BCAM: variants seen among roughly 807,000 people sequenced by gnomAD.
The protein encoded by BCAM is basal cell adhesion molecule (Lutheran blood group).
A neutral mutation model predicts 72.4 loss-of-function variants in BCAM; 61 were observed. The ratio of observed to expected loss-of-function variants is 0.84; its 90% CI spans 0.69 to 1.04. BCAM has a LOEUF of 1.04. Ranked by LOEUF, BCAM falls within the 50% of genes least tolerant of loss-of-function variation. The pLI is 0.00. For missense variants in BCAM, 909 were observed against 895.0 expected, an observed-to-expected ratio of 1.02 and a Z score of -0.20; for synonymous variants, 408 against 384.2, an observed-to-expected ratio of 1.06 and a Z score of -0.73.
intron 8 of BCAM, among the ~76,000 whole-genome samples, chr19:44,817,774 C>T (rs1968521889): frequency 6.6e-6 from 1 of 152,292 alleles, no homozygotes; most frequent in Admixed American, 6.5e-5. Flanking sequence ...GAACTCCTGA[C>T]ATCAGGTGAT....
In BCAM at chr19:44,812,575, A is replaced by G. The variant is rs772958415; in HGVS notation, c.504+27A>G. 2.5e-6 allele frequency: 4 copies of G among 1,612,806 alleles called. No homozygotes were observed. ...TACCTCTCGGGTGGACCTTGGCCCC[A>G]GGGTCCTGGAGGAGGAGGGGACAGG... On this transcript the variant is annotated intron_variant, in intron 4 of 14. Transcript: ENST00000270233. This position sits in a 1 kb window ranked among gnomAD's most constrained non-coding sequence, Gnocchi z 5.3.
At chr19:44,809,248 C>T in intron 1 of BCAM, 42 bp downstream of exon 1, 1 of 1,364,828 alleles carries the variant, frequency 7.3e-7, no homozygotes, top group Non-Finnish European at 9.5e-7. Context: ...GGGGAGAGGC[C>T]CCTGGGGACC....
Position 44,812,013 on chromosome 19 carries a change from GAGA to G in BCAM, c.205-147_205-145del. Reference sequence around the variant, plus strand: ...AAGAACTGATAGGGAATGGGGGCAGGAGAAGGTGGGGAGGGACAGAGGGACCAG... The same window carrying G: ...AAGAACTGATAGGGAATGGGGGCAGGAGGTGGGGAGGGACAGAGGGACCAG... On this transcript the variant is annotated intron_variant, in intron 2 of 14. Coordinates refer to ENST00000270233, the MANE Select transcript of BCAM (RefSeq NM_005581.5). This position sits in a 1 kb window ranked among gnomAD's most constrained non-coding sequence, Gnocchi z 5.3. 1.4e-6 allele frequency: 1 copy of G among 727,384 alleles called. No individual in the cohort carries two copies. The highest frequency in any genetic ancestry group is 3.7e-4 in the Middle Eastern group (1 of 2,724). The allele number at this position is 727,384 out of a possible 1,614,324, so 45.1% of individuals were successfully genotyped here.
At chr19:44,817,546 TTTG>T (rs1248951465) in intron 8 of BCAM, among the ~76,000 whole-genome samples, 1 of 150,128 alleles carries the variant, frequency 6.7e-6, no homozygotes, top group Admixed American at 6.6e-5. Flanking sequence ...GTTGGTTTTT[TTTG>T]TTTTTTTTTT....
intron 2 of BCAM, chr19:44,811,921 G>A: frequency 3.5e-6 from 2 of 565,570 alleles, no homozygotes; most frequent in East Asian, 3.1e-5. Context: ...ACAATCGGGA[G>A]AGGGAGAGAC....
Position 44,814,561 on chromosome 19 carries a change from C to T in BCAM, c.922-43C>T, listed in dbSNP as rs1399318817. On this transcript the variant is annotated intron_variant, in intron 7 of 14. Coordinates refer to ENST00000270233, the MANE Select transcript of BCAM (RefSeq NM_005581.5). The surrounding 1 kb of genome is among the most constrained non-coding windows in gnomAD (Gnocchi z 4.6). ...CTGACCTAGCATGAGCCCGCTGAACCGGGGTGGCTTCTGAGCCTGGTTCCT... is the reference window on the plus strand; with the variant it reads ...CTGACCTAGCATGAGCCCGCTGAACTGGGGTGGCTTCTGAGCCTGGTTCCT... 8 of 1,596,310 alleles carry T rather than the reference C, an allele frequency of 5.0e-6. No homozygotes were observed. The highest frequency in any genetic ancestry group is 6.0e-6 in the Non-Finnish European group (7 of 1,168,552).
chr19:44,809,330 A>G, intron 1 of BCAM, 124 bp downstream of exon 1: 1 of 770,506 alleles, frequency 1.3e-6, no homozygotes, highest in Non-Finnish European at 1.8e-6. Context: ...AGGAGGAGGG[A>G]TATGGGAGTG....
chr19:44,814,679 G>A lies in BCAM; in HGVS notation c.997G>A (p.Gly333Arg), dbSNP rs147593462. The A allele has an allele frequency of 2.8e-5, 46 of 1,614,096 alleles. No homozygotes were observed. In the South Asian group the frequency reaches 3.7e-4, roughly 13 times the overall value. Residue 333 changes from glycine (G) to arginine (R), a missense_variant, in exon 8 of 15, where the codon GGG becomes AGG. Physicochemically the swap from Gly to Arg is moderately radical, Grantham distance 125. Coordinates refer to ENST00000270233, the MANE Select transcript of BCAM (RefSeq NM_005581.5). The surrounding 1 kb of genome is among the most constrained non-coding windows in gnomAD (Gnocchi z 4.6). ...GGAGGGAGTGACCCGGGGCCAGAGC[G>A]GGACCTATGGCTGCAGAGTGGAGGA... ...TLEGVTRGQS[G>R]TYGCRVEDYD...
At position 44,814,905 on chromosome 19, in the gene BCAM, G is replaced by GTTTTTTTTT; in HGVS notation, c.1078+147_1078+148insTTTTTTTTT. ...TCTGCATTTCTTGGGGGTTTTTTTG[G>GTTTTTTTTT]TTGTTTTTTTTTTTTTTTTTTTCCC... On this transcript the variant is annotated intron_variant, in intron 8 of 14. Coordinates refer to ENST00000270233, the MANE Select transcript of BCAM (RefSeq NM_005581.5). The surrounding 1 kb of genome is among the most constrained non-coding windows in gnomAD (Gnocchi z 4.6). 1 of 826,990 alleles carries GTTTTTTTTT rather than the reference G, an allele frequency of 1.2e-6. No homozygotes were observed. Among genetic ancestry groups the GTTTTTTTTT allele is most frequent in the Non-Finnish European group, 1.6e-6 (1 of 611,432 alleles). 51.2% of individuals were successfully genotyped at this position (826,990 alleles called of 1,614,324 possible).
intron 1 of BCAM, among the ~76,000 whole-genome samples, chr19:44,809,492 G>A (rs960483): frequency 1.3e-5 from 2 of 152,024 alleles, no homozygotes; most frequent in Non-Finnish European, 2.9e-5. Context: ...TCCTCCCTCA[G>A]ACCCTGGAAT....
rs1968561901 is a variant in BCAM at position 44,819,929 on chromosome 19, C to CACAG, written c.1763+203_1763+204insACAG. The CACAG allele has an allele frequency of 7.2e-5, 22 of 303,828 alleles. No individual in the cohort carries two copies. The Admixed American group carries it at 9.4e-4, about 13-fold the overall frequency. The allele number at this position is 303,828 out of a possible 1,614,324, so 18.8% of individuals were successfully genotyped here. A position where few individuals can be genotyped will look rare whatever the true frequency, so the allele number is the denominator to read the frequency against. On this transcript the variant is annotated intron_variant, in intron 13 of 14. Transcript: ENST00000270233. ...AATCCACAGCCATCCCCAACTCATC[C>CACAG]TCATCCCCAACTGCAGCCCCAAACC...
intron 1 of BCAM, among the ~76,000 whole-genome samples, chr19:44,810,766 C>T (rs140662759): frequency 1.0e-3 from 157 of 152,288 alleles, no homozygotes; most frequent in African/African-American, 3.6e-3. Flanking sequence ...CAGTATTACC[C>T]CAGGAGTGTT....
Position 44,812,979 on chromosome 19 carries a change from A to G in BCAM, c.505-271A>G. Reference sequence around the variant, plus strand: ...AAAAAAAAAAAAAGAAGAAGAAAAGAAAAAAGAAAGGAAGGGCAGAGGGGG... The same window carrying G: ...AAAAAAAAAAAAAGAAGAAGAAAAGGAAAAAGAAAGGAAGGGCAGAGGGGG... On this transcript the variant is annotated intron_variant, in intron 4 of 14. Coordinates refer to ENST00000270233, the MANE Select transcript of BCAM (RefSeq NM_005581.5). This position sits in a 1 kb window ranked among gnomAD's most constrained non-coding sequence, Gnocchi z 5.3. The G allele has an allele frequency of 2.1e-6, 1 of 476,078 alleles. No homozygotes were observed. The highest frequency in any genetic ancestry group is 3.7e-6 in the Non-Finnish European group (1 of 272,254). The allele number at this position is 476,078 out of a possible 1,614,324, so 29.5% of individuals were successfully genotyped here. A position where few individuals can be genotyped will look rare whatever the true frequency, so the allele number is the denominator to read the frequency against.
Position 44,820,797 on chromosome 19 carries a change from G to A in BCAM, c.1856G>A (p.Gly619Asp), listed in dbSNP as rs752711408. ...GGAGGTGCCTCCGGAGGAGCCAGGGGTGGCAGCGGGGGCTTCGGAGACGAG... is the reference window on the plus strand; with the variant it reads ...GGAGGTGCCTCCGGAGGAGCCAGGGATGGCAGCGGGGGCTTCGGAGACGAG... ...LMGGASGGAR[G>D]GSGGFGDEC The change falls in exon 14 of 15, where the codon GGT becomes GAT. Residue 619 changes from glycine (G) to aspartate (D), a missense_variant. By Grantham distance (94) the Gly-to-Asp change is moderately conservative. Transcript: ENST00000270233. 5 of 1,511,250 alleles carry A rather than the reference G, an allele frequency of 3.3e-6. 1 individual carries two copies. In the South Asian group the frequency reaches 3.8e-5, roughly 12 times the overall value. 93.6% of individuals were successfully genotyped at this position (1,511,250 alleles called of 1,614,324 possible).
chr19:44,815,512 A>G (rs1202941655), intron 8 of BCAM, among the ~76,000 whole-genome samples: 1 of 152,184 alleles, frequency 6.6e-6, no homozygotes, highest in Non-Finnish European at 1.5e-5. Context: ...TCTACAGGTG[A>G]TATCACCAGT....
chr19:44,820,068 A>C, intron 13 of BCAM: 2 of 1,152,336 alleles, frequency 1.7e-6, no homozygotes, highest in Non-Finnish European at 1.1e-6. Context: ...GCCTGTCTCC[A>C]ATCCCAACCC....
At chr19:44,809,257 C>T (rs1968385861) in intron 1 of BCAM, 51 bp downstream of exon 1, 8 of 1,349,302 alleles carry the variant, frequency 5.9e-6, no homozygotes, top group Non-Finnish European at 7.7e-6. Flanking sequence ...CCCCTGGGGA[C>T]CCCGGGAAAG....
chr19:44,820,252 A>G, intron 13 of BCAM: 1 of 992,342 alleles, frequency 1.0e-6, no homozygotes, highest in Non-Finnish European at 1.2e-6. Context: ...ATCTCTCACC[A>G]TCCAGCCCTC....
In BCAM at chr19:44,812,593, G is replaced by A. The variant is rs1968440781; in HGVS notation, c.504+45G>A. Reference sequence around the variant, plus strand: ...TGGCCCCAGGGTCCTGGAGGAGGAGGGGACAGGGCCCTGGACTCCTGGGTC... The same window carrying A: ...TGGCCCCAGGGTCCTGGAGGAGGAGAGGACAGGGCCCTGGACTCCTGGGTC... On this transcript the variant is annotated intron_variant, in intron 4 of 14. Coordinates refer to ENST00000270233, the MANE Select transcript of BCAM (RefSeq NM_005581.5). This position sits in a 1 kb window ranked among gnomAD's most constrained non-coding sequence, Gnocchi z 5.3. 1.2e-6 allele frequency: 2 copies of A among 1,607,414 alleles called. No individual in the cohort carries two copies. The highest frequency in any genetic ancestry group is 1.7e-6 in the Non-Finnish European group (2 of 1,175,856).
Sources: allele counts gnomAD v4.1 joint callset (sites outside exome capture counted in the v4.1 genomes callset), GRCh38; gene constraint gnomAD v4.1.1; non-coding constraint Gnocchi (gnomAD v3.1); transcripts MANE v1.5; gene names NCBI Gene and HGNC (gene_info 2026-07-23, HGNC 2026-07-21).